Variants in MSI2 observed in about 807,000 individuals in gnomAD.
The protein encoded by MSI2 is musashi RNA binding protein 2, also known as RNA-binding protein Musashi homolog 2.
Under a neutral mutation model 45.6 loss-of-function variants are expected in MSI2, and 17 were observed. The observed-to-expected ratio is 0.37, with a 90% CI of 0.26 to 0.56. MSI2 has a LOEUF of 0.56. MSI2 is among the 20% of genes least tolerant of loss of function. The pLI is 0.77. For missense variants in MSI2, 293 were observed against 444.2 expected (o/e 0.66, Z 3.06); for synonymous variants, 156 against 158.2 (o/e 0.99, Z 0.11).
chr17:57,562,218 C>T (rs951292126), intron 7 of MSI2, among the ~76,000 whole-genome samples: 1 of 152,212 alleles, frequency 6.6e-6, no homozygotes, highest in Non-Finnish European at 1.5e-5. Context: ...ATCCGCACAT[C>T]CAGTAAACAG....
intron 6 of MSI2, among the ~76,000 whole-genome samples, chr17:57,445,131 G>A (rs1329679978): frequency 6.6e-6 from 1 of 152,180 alleles, no homozygotes; most frequent in African/African-American, 2.4e-5. Flanking sequence ...AGTTAAACCT[G>A]CCTGGCTCCA....
rs565848036 is a variant in MSI2, at chr17:57,443,634, G to A, written c.405+42163G>A. On this transcript the variant is annotated intron_variant, in intron 6 of 13. Coordinates refer to ENST00000284073, the MANE Select transcript of MSI2 (RefSeq NM_138962.4). ...AGCAAGTTAGGGGCTGAGCTGACAC[G>A]TAAAACCCCATCTCCTCCCTGCCCC... Among the ~76,000 whole-genome samples the A allele has an allele frequency of 4.1e-4, 62 of 152,252 alleles. No homozygotes were observed. In the South Asian group the frequency reaches 0.011, roughly 27 times the overall value.
chr17:57,542,461 A>G (rs1444384974), intron 7 of MSI2, among the ~76,000 whole-genome samples: 1 of 152,188 alleles, frequency 6.6e-6, no homozygotes, highest in Non-Finnish European at 1.5e-5. Flanking sequence ...ACCCTGCATG[A>G]TGACTGATTA....
At chr17:57,364,215 C>A (rs1917024890) in intron 5 of MSI2, among the ~76,000 whole-genome samples, 1 of 152,200 alleles carries the variant, frequency 6.6e-6, no homozygotes, top group Non-Finnish European at 1.5e-5. Flanking sequence ...TGGTGAGGGG[C>A]CAGAAGGCTC....
chr17:57,642,237 G>A (rs1416985397), intron 10 of MSI2, among the ~76,000 whole-genome samples: 1 of 152,210 alleles, frequency 6.6e-6, no homozygotes, highest in African/African-American at 2.4e-5. Flanking sequence ...AATCAAAGTG[G>A]TGAGACCTTT....
intron 11 of MSI2, among the ~76,000 whole-genome samples, chr17:57,665,019 T>C (rs2144723003): frequency 6.6e-6 from 1 of 152,366 alleles, no homozygotes; most frequent in Admixed American, 6.5e-5. Flanking sequence ...ATGTTCTTGC[T>C]GGATGTAAAG....
At chr17:57,603,158 G>A (rs892324068) in intron 8 of MSI2, among the ~76,000 whole-genome samples, 4 of 152,192 alleles carry the variant, frequency 2.6e-5, no homozygotes, top group Admixed American at 6.5e-5. Context: ...CCAGATTTCC[G>A]AAGATCTCCC....
intron 11 of MSI2, among the ~76,000 whole-genome samples, chr17:57,667,402 G>A (rs371736259): frequency 5.9e-5 from 9 of 152,126 alleles, no homozygotes; most frequent in Non-Finnish European, 8.8e-5. Flanking sequence ...TGAAGCATCC[G>A]TTCACGGTGG....
chr17:57,590,004 G>A (rs1904672266), intron 7 of MSI2, among the ~76,000 whole-genome samples: 1 of 152,246 alleles, frequency 6.6e-6, no homozygotes, highest in Admixed American at 6.5e-5. Flanking sequence ...CATGAATATT[G>A]CTTTCCCCAA....
At chr17:57,317,898 C>T (rs1014885297) in intron 5 of MSI2, among the ~76,000 whole-genome samples, 1 of 152,224 alleles carries the variant, frequency 6.6e-6, no homozygotes, top group East Asian at 1.9e-4. Context: ...CCTGTAATCC[C>T]GGCACTTTGG....
intron 10 of MSI2, among the ~76,000 whole-genome samples, chr17:57,635,392 C>T (rs929763855): frequency 2.0e-5 from 3 of 152,254 alleles, no homozygotes; most frequent in African/African-American, 7.2e-5. Flanking sequence ...CTTCTCTCTG[C>T]ACCCCATCTC....
rs998167449 is a variant in MSI2, at chr17:57,652,687, C to A, written c.790+526C>A. On this transcript the variant is annotated intron_variant, in intron 11 of 13. Transcript: ENST00000284073. This position sits in a 1 kb window ranked among gnomAD's most constrained non-coding sequence, Gnocchi z 4.1. ...GTGAATGAAGCTGCTGTTTCTGGAG[C>A]CGCTGTGCCTCCCAGACTCTTCTTA... Among the ~76,000 whole-genome samples, 4 of 152,220 alleles carry A rather than the reference C, an allele frequency of 2.6e-5. No homozygotes were observed. The highest frequency in any genetic ancestry group is 9.6e-5 in the African/African-American group (4 of 41,462).
intron 5 of MSI2, among the ~76,000 whole-genome samples, chr17:57,310,576 C>T (rs529500087): frequency 9.9e-5 from 15 of 152,248 alleles, no homozygotes; most frequent in African/African-American, 3.1e-4. Context: ...TCAAGTGATC[C>T]ACCCGCCTCG....
intron 5 of MSI2, among the ~76,000 whole-genome samples, chr17:57,318,721 G>A (rs559833130): frequency 7.2e-5 from 11 of 152,280 alleles, no homozygotes; most frequent in African/African-American, 2.6e-4. Context: ...CTGAATCCAG[G>A]CCTTGGAGTC....
At position 57,389,996 on chromosome 17, in the gene MSI2, G is replaced by T. The variant is rs146491110; in HGVS notation, c.313-11383G>T. On this transcript the variant is annotated intron_variant, in intron 5 of 13. Transcript: ENST00000284073. ...TTCACTCCTGTAATCCCAGCCCTTT[G>T]GGAAGCTGAGGCAGGAGGATCACTT... Among the ~76,000 whole-genome samples the T allele has an allele frequency of 4.0e-3, 602 of 152,030 alleles. 5 individuals carry two copies. The highest frequency in any genetic ancestry group is 0.014 in the African/African-American group (576 of 41,466).
intron 6 of MSI2, among the ~76,000 whole-genome samples, chr17:57,441,816 G>A (rs1260921145): frequency 1.3e-5 from 2 of 152,222 alleles, no homozygotes; most frequent in Non-Finnish European, 2.9e-5. Context: ...CACAGTAGGT[G>A]TGTAGCAATA....
At chr17:57,631,552 A>G (rs1471162228) in intron 10 of MSI2, 26 of 503,610 alleles carry the variant, frequency 5.2e-5, no homozygotes, top group Non-Finnish European at 3.5e-6. Flanking sequence ...GACACTGGAT[A>G]GTTTTTAGAG....
At chr17:57,477,921 C>T (rs1188194316) in intron 6 of MSI2, among the ~76,000 whole-genome samples, 1 of 152,198 alleles carries the variant, frequency 6.6e-6, no homozygotes, top group Non-Finnish European at 1.5e-5. Flanking sequence ...TCCATGTAAC[C>T]AGCCCCTTCT....
chr17:57,316,544 G>A (rs1005147997), intron 5 of MSI2, among the ~76,000 whole-genome samples: 1 of 152,078 alleles, frequency 6.6e-6, no homozygotes, highest in African/African-American at 2.4e-5. Context: ...CAGGCTGGTC[G>A]CAAACTCCTG....
Sources: allele counts gnomAD v4.1 joint callset (sites outside exome capture counted in the v4.1 genomes callset), GRCh38; gene constraint gnomAD v4.1.1; non-coding constraint Gnocchi (gnomAD v3.1); transcripts MANE v1.5; gene names NCBI Gene and HGNC (gene_info 2026-07-23, HGNC 2026-07-21).